The following C13orf46 variants were observed in gnomAD, a reference collection of about 807,000 sequenced individuals.
The protein encoded by C13orf46 is chromosome 13 open reading frame 46.
the C13orf46 span, among the ~76,000 whole-genome samples, chr13:113,943,888 C>G: frequency 6.6e-6 from 1 of 152,170 alleles, no homozygotes; most frequent in Admixed American, 6.5e-5. Context: ...TCCCTGCACC[C>G]GGCTGGCACA....
chr13:113,927,937 C>T, the C13orf46 span: 5 of 264,872 alleles, frequency 1.9e-5, no homozygotes, highest in South Asian at 3.4e-4. Context: ...AGTCTGCCTG[C>T]GTTATGCAAT....
At chr13:113,941,826 C>T in the C13orf46 span, among the ~76,000 whole-genome samples, 850 of 152,318 alleles carry the variant, frequency 5.6e-3, 6 homozygotes, top group African/African-American at 0.019. Flanking sequence ...GAGGTCTGCC[C>T]TAGGCCTCCG....
rs1288894862 is a variant in C13orf46 at position 113,954,843 on chromosome 13, GGTGGAGAT to G, written c.*1922_*1929del. 3.2e-4 allele frequency: 30 copies of G among 93,464 alleles called. No individual in the cohort carries two copies. The highest frequency in any genetic ancestry group is 6.8e-4 in the Admixed American group (5 of 7,312). 5.8% of individuals were successfully genotyped at this position (93,464 alleles called of 1,614,324 possible). A position where few individuals can be genotyped will look rare whatever the true frequency, so the allele number is the denominator to read the frequency against. ...CATCCGGTGGAGATGAGGAGCATCC[GGTGGAGAT>G]GAGGAGCATCTCGTGGGGAGGAGGA... On this transcript the variant is annotated 3_prime_UTR_variant, in exon 7 of 7. Transcript: ENST00000636427.
chr13:113,955,633 G>A lies in C13orf46; in HGVS notation c.*1140C>T, dbSNP rs1458112078. 2.9e-3 allele frequency: 239 copies of A among 82,688 alleles called. 3 individuals are homozygous for A. The highest frequency in any genetic ancestry group is 6.3e-3 in the Middle Eastern group (1 of 160). 5.1% of individuals were successfully genotyped at this position (82,688 alleles called of 1,614,324 possible). The stretch of plus-strand genomic sequence containing the variant: ...GCAGAGACGAGGAGTAGTGTCTGGC[G>A]GAGACGAGGAGTAGTGTCTGGCAGA... On this transcript the variant is annotated 3_prime_UTR_variant, in exon 7 of 7. Transcript: ENST00000636427.
chr13:113,939,237 G>A, the C13orf46 span, among the ~76,000 whole-genome samples: 1 of 152,180 alleles, frequency 6.6e-6, no homozygotes, highest in Non-Finnish European at 1.5e-5. Flanking sequence ...GCTGCAGCTG[G>A]CCCCTTCCCC....
the C13orf46 span, among the ~76,000 whole-genome samples, chr13:113,929,138 CTG>C: frequency 6.6e-6 from 1 of 152,264 alleles, no homozygotes; most frequent in African/African-American, 2.4e-5. Context: ...TGTACAGACA[CTG>C]TGCGGCAGGG....
At chr13:113,965,943 G>A (rs1039205859) in intron 5 of C13orf46, among the ~76,000 whole-genome samples, 5 of 149,972 alleles carry the variant, frequency 3.3e-5, no homozygotes, top group East Asian at 1.9e-4. Context: ...TTATGATGGT[G>A]ATGATGATGG....
chr13:113,957,493 A>C (rs2052547466), intron 6 of C13orf46, among the ~76,000 whole-genome samples: 1 of 95,172 alleles, frequency 1.1e-5, no homozygotes, highest in African/African-American at 4.3e-5. Flanking sequence ...TCTCCCCTGC[A>C]CTCCACATGC....
chr13:113,934,849 C>G, the C13orf46 span, among the ~76,000 whole-genome samples: 1,950 of 152,354 alleles, frequency 0.013, 37 homozygotes, highest in African/African-American at 0.045. Context: ...CAGTTATGGT[C>G]TCCAGAATCC....
At chr13:113,939,354 C>T in the C13orf46 span, among the ~76,000 whole-genome samples, 2 of 148,606 alleles carry the variant, frequency 1.3e-5, no homozygotes, top group Admixed American at 6.6e-5. Context: ...AGAGACCACC[C>T]GATGGGGAGG....
At chr13:113,936,141 T>C in the C13orf46 span, among the ~76,000 whole-genome samples, 6 of 152,274 alleles carry the variant, frequency 3.9e-5, no homozygotes, top group African/African-American at 1.4e-4. Flanking sequence ...CAGGAGTCAA[T>C]TGAGTCATCA....
the C13orf46 span, among the ~76,000 whole-genome samples, chr13:113,939,528 GAT>G: frequency 6.6e-6 from 1 of 152,196 alleles, no homozygotes; most frequent in South Asian, 2.1e-4. Flanking sequence ...GGATGGGAAA[GAT>G]GGGGACCACG....
chr13:113,945,060 T>C, the C13orf46 span, among the ~76,000 whole-genome samples: 11 of 129,274 alleles, frequency 8.5e-5, no homozygotes, highest in East Asian at 2.0e-3. Flanking sequence ...AGGTGTGTGA[T>C]GAGTCCTCCA....
At chr13:113,945,676 A>G in the C13orf46 span, among the ~76,000 whole-genome samples, 449 of 130,456 alleles carry the variant, frequency 3.4e-3, 7 homozygotes, top group African/African-American at 0.01. Flanking sequence ...AAGAAAGGAA[A>G]GAAAAACAAA....
the C13orf46 span, among the ~76,000 whole-genome samples, chr13:113,945,606 A>AGAGAGAGAGAGAGAGAG: frequency 8.0e-4 from 27 of 33,580 alleles, no homozygotes; most frequent in African/African-American, 2.4e-3. Flanking sequence ...AGAAAGAAAG[A>AGAGAGAGAGAGAGAGAG]AGAAAGAAAG....
At position 113,955,435 on chromosome 13, in the gene C13orf46, TGAG is replaced by T. The variant is rs1200460693; in HGVS notation, c.*1335_*1337del. 8.2e-6 allele frequency: 1 copy of T among 122,292 alleles called. No individual in the cohort carries two copies. The highest frequency in any genetic ancestry group is 1.6e-5 in the Non-Finnish European group (1 of 62,754). The allele number at this position is 122,292 out of a possible 1,614,324, so 7.6% of individuals were successfully genotyped here. On this transcript the variant is annotated 3_prime_UTR_variant, in exon 7 of 7. Transcript: ENST00000636427. ...GGTGACGAGGAGCATCCGGCGGAGATGAGGAGCATCCGGTGGAGAGGAGGAGCA... is the reference window on the plus strand; with the variant it reads ...GGTGACGAGGAGCATCCGGCGGAGATGAGCATCCGGTGGAGAGGAGGAGCA...
chr13:113,959,279 AAAGG>A (rs1381948755), intron 6 of C13orf46, among the ~76,000 whole-genome samples: 1 of 152,204 alleles, frequency 6.6e-6, no homozygotes, highest in Non-Finnish European at 1.5e-5. Context: ...TCAAAAAAGA[AAAGG>A]AAAAGATTCT....
At chr13:113,947,806 T>A in the C13orf46 span, among the ~76,000 whole-genome samples, 2 of 152,148 alleles carry the variant, frequency 1.3e-5, no homozygotes, top group Non-Finnish European at 2.9e-5. Flanking sequence ...CCCGTGACAC[T>A]TCCCCCCAGA....
At chr13:113,948,344 A>G in the C13orf46 span, among the ~76,000 whole-genome samples, 6 of 152,240 alleles carry the variant, frequency 3.9e-5, no homozygotes, top group African/African-American at 1.2e-4. Flanking sequence ...TGTTCTTGAC[A>G]TCAAAAATGT....
Sources: allele counts gnomAD v4.1 joint callset (sites outside exome capture counted in the v4.1 genomes callset), GRCh38; gene constraint gnomAD v4.1.1; transcripts MANE v1.5; gene names NCBI Gene and HGNC (gene_info 2026-07-23, HGNC 2026-07-21).